Variants in KANSL3 observed in about 807,000 individuals in gnomAD.
KANSL3 encodes the protein NSL complex protein NSL3.
KANSL3 carries 16 observed loss-of-function variants against 89.2 expected under a neutral mutation model. The observed-to-expected ratio is 0.18, with a 90% confidence interval of 0.12 to 0.27. The LOEUF (loss-of-function observed/expected upper bound fraction) is 0.27, where lower values mean the gene tolerates loss of function less well. Among genes scored for constraint, KANSL3 ranks in the 10% least tolerant of loss-of-function variants. The pLI is 1.00. For synonymous variants in KANSL3, 385 were observed against 419.7 expected, an observed-to-expected ratio of 0.92 and a Z score of 1.01; for missense variants, 879 against 1,110.6, an observed-to-expected ratio of 0.79 and a Z score of 2.96.
chr2:96,628,267 T>C, intron 3 of KANSL3: 1 of 985,398 alleles, frequency 1.0e-6, no homozygotes, highest in Non-Finnish European at 1.2e-6. Context: ...TGAAATAAAA[T>C]GGTTTTCCAG....
At chr2:96,635,516 GA>G (rs1313369640) in intron 2 of KANSL3, among the ~76,000 whole-genome samples, 3 of 152,228 alleles carry the variant, frequency 2.0e-5, no homozygotes, top group African/African-American at 7.2e-5. Context: ...AGCAAAAAAG[GA>G]AAAGACTTCA....
Position 96,593,407 on chromosome 2 carries a change from G to T in KANSL3, c.*2204C>A. 2.3e-6 allele frequency: 1 copy of T among 431,964 alleles called. No individual in the cohort carries two copies. The highest frequency in any genetic ancestry group is 1.6e-5 in the South Asian group (1 of 61,930). 26.8% of individuals were successfully genotyped at this position (431,964 alleles called of 1,614,324 possible). A position where few individuals can be genotyped will look rare whatever the true frequency, so the allele number is the denominator to read the frequency against. On this transcript the variant is annotated 3_prime_UTR_variant, in exon 21 of 21. Coordinates refer to ENST00000431828, the MANE Select transcript of KANSL3 (RefSeq NM_001115016.3). ...TTCCACATTTTCTATCAATAATATT[G>T]CCTTCTGAGGTTATGGATTCCAGGT...
rs1170867090 is a variant in KANSL3, at chr2:96,631,210, T to A, written c.386+102A>T. ...TGAGACTTTGGAGAACACTCTGACT[T>A]GTGTTGCTGCAAATGAAATAAGGTC... is the stretch of plus-strand genomic sequence containing the variant. On this transcript the variant is annotated intron_variant, in intron 3 of 20. Transcript: ENST00000431828. The A allele has an allele frequency of 3.6e-6, 3 of 830,534 alleles. No homozygotes were observed. The African/African-American group carries it at 5.1e-5, about 14-fold the overall frequency. The allele number at this position is 830,534 out of a possible 1,614,324, so 51.4% of individuals were successfully genotyped here. A position where few individuals can be genotyped will look rare whatever the true frequency, so the allele number is the denominator to read the frequency against.
At chr2:96,607,152 T>G in intron 14 of KANSL3, 1 of 566,202 alleles carries the variant, frequency 1.8e-6, no homozygotes, top group Non-Finnish European at 2.9e-6. Context: ...TAGGGGCTCC[T>G]TCTGAAATTA....
intron 1 of KANSL3, 198 bp downstream of exon 1, chr2:96,638,085 A>G (rs1289358442): frequency 6.6e-6 from 1 of 150,592 alleles, no homozygotes; most frequent in African/African-American, 2.5e-5. Context: ...CGTCCGCGTC[A>G]CGGAGGCCCA....
chr2:96,587,637 C>T, the KANSL3 span, among the ~76,000 whole-genome samples: 1 of 152,182 alleles, frequency 6.6e-6, no homozygotes, highest in Admixed American at 6.5e-5. Context: ...AAGAATATAT[C>T]AAGAACCAAG....
rs1410333494 is a variant in KANSL3 at position 96,626,566 on chromosome 2, C to G, written c.386+4746G>C. Among the ~76,000 whole-genome samples the G allele has an allele frequency of 2.0e-5, 3 of 152,176 alleles. No individual in the cohort carries two copies. The East Asian group carries it at 5.8e-4, about 29-fold the overall frequency. On this transcript the variant is annotated intron_variant, in intron 3 of 20. Transcript: ENST00000431828. Reference sequence around the variant, plus strand: ...GCCTGCTTTTGGATACTACTACATTCTTTCACTAAAATGTTGGAAATGTCC... The same window carrying G: ...GCCTGCTTTTGGATACTACTACATTGTTTCACTAAAATGTTGGAAATGTCC...
intron 20 of KANSL3, chr2:96,601,183 G>T: frequency 2.4e-6 from 1 of 420,528 alleles, no homozygotes; most frequent in Non-Finnish European, 3.2e-6. Context: ...CAGGAGAATT[G>T]CTTGAACCGG....
chr2:96,592,238 C>T (rs559562897), downstream of KANSL3, among the ~76,000 whole-genome samples: 18 of 152,274 alleles, frequency 1.2e-4, 1 homozygote, highest in South Asian at 3.5e-3. Context: ...CTATGGCCTC[C>T]ACCCAGAGGG....
chr2:96,611,581 G>C (rs1242821905), intron 9 of KANSL3, among the ~76,000 whole-genome samples: 1 of 152,158 alleles, frequency 6.6e-6, no homozygotes, highest in African/African-American at 2.4e-5. Context: ...AAACTGCTAA[G>C]GCCTAACACC....
At chr2:96,611,619 T>C (rs556016426) in intron 9 of KANSL3, among the ~76,000 whole-genome samples, 4 of 152,300 alleles carry the variant, frequency 2.6e-5, no homozygotes, top group African/African-American at 9.6e-5. Context: ...GGGGACCTTC[T>C]TCCTCTCATA....
At position 96,609,559 on chromosome 2, in the gene KANSL3, T is replaced by G; in HGVS notation, c.1323A>C (p.Ile441=). 1 of 1,613,102 alleles carries G rather than the reference T, an allele frequency of 6.2e-7. No individual in the cohort carries two copies. The change falls in exon 12 of 21, where the codon ATA becomes ATC. Residue 441 remains isoleucine (I), a synonymous_variant. Coordinates refer to ENST00000431828, the MANE Select transcript of KANSL3 (RefSeq NM_001115016.3). ...CTTCTGATTTCTTCTTTGCTTTGCT[T>G]ATTCTAAGAAACAAAAAGGATGACA... is the stretch of plus-strand genomic sequence containing the variant. ...VVGGADDNLR[I]SKAKKKSEGL... is the part of the protein sequence containing the mutation.
At chr2:96,612,596 A>G (rs374265731) in intron 7 of KANSL3, 33 bp from the exon 8 acceptor site, 1 of 1,550,464 alleles carries the variant, frequency 6.4e-7, no homozygotes, top group South Asian at 1.1e-5. Flanking sequence ...ACACCAGCAG[A>G]GGTAAGTTTC....
At chr2:96,613,646 C>T (rs762396533) in intron 5 of KANSL3, 27 bp from the exon 6 acceptor site, 6 of 1,607,036 alleles carry the variant, frequency 3.7e-6, no homozygotes, top group South Asian at 1.1e-5. Context: ...GCAAAGATGA[C>T]TCCAGTGTAA....
In KANSL3 at chr2:96,605,685, C is replaced by T. The variant is rs772369681; in HGVS notation, c.1742-174G>A. ...GCCCATGCTTCAGGACCACTTCACTCAGGCCCTGTCCGTGGGGGACCCCAC... is the reference window on the plus strand; with the variant it reads ...GCCCATGCTTCAGGACCACTTCACTTAGGCCCTGTCCGTGGGGGACCCCAC... On this transcript the variant is annotated intron_variant, in intron 14 of 20. Transcript: ENST00000431828. The T allele has an allele frequency of 6.5e-5, 33 of 510,360 alleles. No homozygotes were observed. In the East Asian group the frequency reaches 1.0e-3, roughly 16 times the overall value. The allele number at this position is 510,360 out of a possible 1,614,324, so 31.6% of individuals were successfully genotyped here. A position where few individuals can be genotyped will look rare whatever the true frequency, so the allele number is the denominator to read the frequency against.
At chr2:96,618,055 G>A (rs1200578929) in intron 5 of KANSL3, among the ~76,000 whole-genome samples, 3 of 151,868 alleles carry the variant, frequency 2.0e-5, no homozygotes, top group Non-Finnish European at 4.4e-5. Flanking sequence ...GTACTTGGGA[G>A]GCTGAGGCAG....
intron 2 of KANSL3, among the ~76,000 whole-genome samples, chr2:96,635,760 G>A (rs181466334): frequency 3.3e-5 from 5 of 152,210 alleles, no homozygotes; most frequent in African/African-American, 9.6e-5. Context: ...AGGCCGAGGC[G>A]GGTGGATTGC....
At chr2:96,599,491 C>T (rs543366142) in intron 20 of KANSL3, among the ~76,000 whole-genome samples, 1 of 152,202 alleles carries the variant, frequency 6.6e-6, no homozygotes, top group East Asian at 1.9e-4. Context: ...TGTGATAGGG[C>T]TAGCTTTCTT....
intron 19 of KANSL3, 135 bp downstream of exon 19, chr2:96,601,981 C>G: frequency 8.6e-7 from 1 of 1,164,446 alleles, no homozygotes; most frequent in Non-Finnish European, 1.2e-6. Context: ...TGGGTCCACA[C>G]AGCTGAATCC....
Sources: allele counts gnomAD v4.1 joint callset (sites outside exome capture counted in the v4.1 genomes callset), GRCh38; gene constraint gnomAD v4.1.1; transcripts MANE v1.5; gene names NCBI Gene and HGNC (gene_info 2026-07-23, HGNC 2026-07-21).